ZNF326: variants seen among roughly 807,000 people sequenced by gnomAD.
The protein encoded by ZNF326 is zinc finger protein 326, also known as DBIRD complex subunit ZNF326.
Under a neutral mutation model 63.1 loss-of-function variants are expected in ZNF326, and 30 were observed. The ratio of observed to expected loss-of-function variants is 0.48; its 90% CI spans 0.36 to 0.64. The LOEUF (loss-of-function observed/expected upper bound fraction) is 0.64. Among genes scored for constraint, ZNF326 ranks in the 30% least tolerant of loss-of-function variants. The pLI is 0.00. For missense variants in ZNF326, 609 were observed against 720.3 expected (o/e 0.85, Z 1.77); for synonymous variants, 194 against 228.2 (o/e 0.85, Z 1.35).
At chr1:90,019,500 T>C (rs1649661553) in intron 9 of ZNF326, among the ~76,000 whole-genome samples, 2 of 152,156 alleles carry the variant, frequency 1.3e-5, no homozygotes, top group African/African-American at 4.8e-5. Context: ...TCATTTTTCT[T>C]CCTTTGTTTC....
In ZNF326 at chr1:90,006,257, A is replaced by T. The variant is rs908327759; in HGVS notation, c.209+1013A>T. ...TAGGAATAATTTTTATATGGTTACT[A>T]GGATTCAGAAGTAAATCTATTTAGT... On this transcript the variant is annotated intron_variant, in intron 4 of 11. Coordinates refer to ENST00000340281, the MANE Select transcript of ZNF326 (RefSeq NM_182976.4). 4 of 983,484 alleles carry T rather than the reference A, an allele frequency of 4.1e-6. No homozygotes were observed. The African/African-American group carries it at 7.0e-5, about 17-fold the overall frequency. 60.9% of individuals were successfully genotyped at this position (983,484 alleles called of 1,614,324 possible).
intron 9 of ZNF326, among the ~76,000 whole-genome samples, chr1:90,019,446 CATT>C (rs1174519225): frequency 1.3e-5 from 2 of 152,126 alleles, no homozygotes; most frequent in Non-Finnish European, 2.9e-5. Context: ...TCTTTGGAAT[CATT>C]ATCTTCCGTA....
rs1650260524 is a variant in ZNF326 at position 90,031,295 on chromosome 1, C to G, written c.*3594C>G. ...AAGCCCACTCTTGTACATGTAGAAA[C>G]AGAGAAAAGAACTACAAAGGTAAAT... On this transcript the variant is annotated 3_prime_UTR_variant, in exon 12 of 12. Coordinates refer to ENST00000340281, the MANE Select transcript of ZNF326 (RefSeq NM_182976.4). 2 of 152,030 alleles carry G rather than the reference C, an allele frequency of 1.3e-5. No homozygotes were observed. The highest frequency in any genetic ancestry group is 4.8e-5 in the African/African-American group (2 of 41,372). The allele number at this position is 152,030 out of a possible 1,614,324, so 9.4% of individuals were successfully genotyped here.
intron 9 of ZNF326, 141 bp downstream of exon 9, chr1:90,018,925 CTTCT>C (rs1199088954): frequency 7.8e-6 from 3 of 384,896 alleles, no homozygotes; most frequent in Admixed American, 9.7e-5. Flanking sequence ...CAGAAATGAA[CTTCT>C]TTGTCTTCCT....
At chr1:90,001,829 A>G (rs1477828406) in intron 2 of ZNF326, among the ~76,000 whole-genome samples, 1 of 152,118 alleles carries the variant, frequency 6.6e-6, no homozygotes, top group Non-Finnish European at 1.5e-5. Context: ...AAGGATTGGG[A>G]TTACAGGTGT....
intron 2 of ZNF326, among the ~76,000 whole-genome samples, chr1:89,998,871 A>G (rs1272782819): frequency 6.6e-6 from 1 of 152,246 alleles, no homozygotes; most frequent in African/African-American, 2.4e-5. Flanking sequence ...CAACTTTCGT[A>G]CAGAATAGAA....
At chr1:89,998,226 C>G (rs9919135) in intron 2 of ZNF326, 72 bp downstream of exon 2, 1 of 1,438,854 alleles carries the variant, frequency 6.9e-7, no homozygotes, top group Non-Finnish European at 9.7e-7. Flanking sequence ...GCCAGTTCTA[C>G]CTATTTCAGT....
intron 5 of ZNF326, among the ~76,000 whole-genome samples, chr1:90,009,297 A>G (rs991307998): frequency 9.2e-5 from 14 of 152,198 alleles, no homozygotes; most frequent in Admixed American, 8.5e-4. Flanking sequence ...TTACTCCTCC[A>G]TCTTTATCTT....
Position 90,034,382 on chromosome 1 carries a change from C to T in ZNF326, c.*6681C>T, listed in dbSNP as rs1650405007. ...GAAATTGTCAAATTTATAATCATAG[C>T]TACGTATTTGAACACAGCGCTTAGA... On this transcript the variant is annotated 3_prime_UTR_variant, in exon 12 of 12. Coordinates refer to ENST00000340281, the MANE Select transcript of ZNF326 (RefSeq NM_182976.4). 6.6e-6 allele frequency: 1 copy of T among 152,080 alleles called. No individual in the cohort carries two copies. The highest frequency in any genetic ancestry group is 1.5e-5 in the Non-Finnish European group (1 of 68,006). 9.4% of individuals were successfully genotyped at this position (152,080 alleles called of 1,614,324 possible).
At chr1:90,005,748 G>A in intron 4 of ZNF326, 1 of 982,798 alleles carries the variant, frequency 1.0e-6, no homozygotes, top group Non-Finnish European at 1.2e-6. Flanking sequence ...TTTAAAGGAA[G>A]AGCATATTGC....
At chr1:90,024,305 C>T (rs572066636) in intron 11 of ZNF326, among the ~76,000 whole-genome samples, 13 of 152,304 alleles carry the variant, frequency 8.5e-5, no homozygotes, top group Non-Finnish European at 1.8e-4. Context: ...TCTTAATTCT[C>T]CAACTGTATC....
intron 7 of ZNF326, among the ~76,000 whole-genome samples, chr1:90,016,917 T>C (rs1187772354): frequency 6.6e-6 from 1 of 152,210 alleles, no homozygotes; most frequent in Non-Finnish European, 1.5e-5. Flanking sequence ...TCTGGTGGTG[T>C]GCCACCTTGC....
At position 90,032,911 on chromosome 1, in the gene ZNF326, A is replaced by G. The variant is rs889407504; in HGVS notation, c.*5210A>G. 1 of 152,244 alleles carries G rather than the reference A, an allele frequency of 6.6e-6. No individual in the cohort carries two copies. Among genetic ancestry groups the G allele is most frequent in the Non-Finnish European group, 1.5e-5 (1 of 68,036 alleles). 9.4% of individuals were successfully genotyped at this position (152,244 alleles called of 1,614,324 possible). On this transcript the variant is annotated 3_prime_UTR_variant, in exon 12 of 12. Coordinates refer to ENST00000340281, the MANE Select transcript of ZNF326 (RefSeq NM_182976.4). ...ATCGAAGTGTGGCAATGCCCTAGGT[A>G]TATTGTGATTACCACAAGGAGCTTT... is the stretch of plus-strand genomic sequence containing the variant.
At chr1:89,998,288 A>T (rs376753579) in intron 2 of ZNF326, 134 bp downstream of exon 2, 4 of 732,088 alleles carry the variant, frequency 5.5e-6, no homozygotes, top group Non-Finnish European at 8.6e-6. Flanking sequence ...GTCTTACTAT[A>T]TATAGTATTT....
intron 1 of ZNF326, among the ~76,000 whole-genome samples, chr1:89,996,243 A>G (rs1648366811): frequency 6.6e-6 from 1 of 152,204 alleles, no homozygotes; most frequent in African/African-American, 2.4e-5. Context: ...ATTAAACTGG[A>G]TTTAATCCTG....
At chr1:89,999,347 G>A (rs896002570) in intron 2 of ZNF326, among the ~76,000 whole-genome samples, 20 of 151,232 alleles carry the variant, frequency 1.3e-4, no homozygotes, top group African/African-American at 4.9e-4. Context: ...AGAGGGGGAG[G>A]GGAAGAGGGA....
At chr1:90,005,098 C>A in intron 3 of ZNF326, 35 bp from the exon 4 acceptor site, 1 of 1,613,768 alleles carries the variant, frequency 6.2e-7, no homozygotes, top group Non-Finnish European at 8.5e-7. Context: ...TAAAGGTGAG[C>A]ATCATATAAC....
chr1:90,005,206 T>C lies in ZNF326; in HGVS notation c.171T>C (p.Tyr57=). The C allele has an allele frequency of 1.9e-6, 3 of 1,614,052 alleles. No homozygotes were observed. The highest frequency in any genetic ancestry group is 2.5e-6 in the Non-Finnish European group (3 of 1,179,974). The change falls in exon 4 of 12, where the codon TAT becomes TAC. Residue 57 remains tyrosine (Y), a synonymous_variant. Coordinates refer to ENST00000340281, the MANE Select transcript of ZNF326 (RefSeq NM_182976.4). ...RSMDSYLNQS[Y]GMDNHSGGGG... is the part of the protein sequence containing the mutation. The stretch of plus-strand genomic sequence containing the variant: ...TGGATTCCTACCTAAACCAGTCATA[T>C]GGCATGGACAATCACAGTGGTGGTG...
chr1:89,996,458 C>G (rs919507111), intron 1 of ZNF326, among the ~76,000 whole-genome samples: 1 of 152,132 alleles, frequency 6.6e-6, no homozygotes, highest in African/African-American at 2.4e-5. Context: ...TGGAATAGCC[C>G]TCTTGTAGAT....
Sources: gnomAD v4.1 joint callset for allele counts (sites outside exome capture counted in the v4.1 genomes callset) on GRCh38, gnomAD v4.1.1 for gene constraint, MANE v1.5 for transcripts, NCBI Gene and HGNC (gene_info 2026-07-23, HGNC 2026-07-21) for gene names.